Variants in SYT4 observed in about 807,000 individuals in gnomAD.
The protein encoded by SYT4 is synaptotagmin-4.
In SYT4, 7 loss-of-function variants were observed where a neutral mutation model predicts 32.9. The observed-to-expected ratio is 0.21, with a 90% CI of 0.12 to 0.40. SYT4 has a LOEUF of 0.40. Ranked by LOEUF, SYT4 falls within the 10% of genes least tolerant of loss-of-function variation. SYT4 has a pLI of 1.00. For synonymous variants in SYT4, 205 were observed against 186.2 expected (o/e 1.10, Z -0.82); for missense variants, 480 against 488.0 (o/e 0.98, Z 0.16).
rs559792542 is a variant in SYT4, at chr18:43,268,643, C to T, written c.*1698G>A. On this transcript the variant is annotated 3_prime_UTR_variant, in exon 4 of 4. Coordinates refer to ENST00000255224, the MANE Select transcript of SYT4 (RefSeq NM_020783.4). Reference sequence around the variant, plus strand: ...TTTCATGTTGCTTTCACAGAGATGCCGAGTGGAGCAAGATGCTGTGAGGTG... The same window carrying T: ...TTTCATGTTGCTTTCACAGAGATGCTGAGTGGAGCAAGATGCTGTGAGGTG... The T allele has an allele frequency of 4.9e-4, 74 of 152,546 alleles. 1 individual carries two copies. The highest frequency in any genetic ancestry group is 1.6e-3 in the African/African-American group (67 of 41,502). 9.4% of individuals were successfully genotyped at this position (152,546 alleles called of 1,614,324 possible). A position where few individuals can be genotyped will look rare whatever the true frequency, so the allele number is the denominator to read the frequency against.
In SYT4 at chr18:43,269,215, T is replaced by C. The variant is rs1174291478; in HGVS notation, c.*1126A>G. The C allele has an allele frequency of 1.3e-5, 2 of 152,210 alleles. No homozygotes were observed. Among genetic ancestry groups the C allele is most frequent in the Non-Finnish European group, 2.9e-5 (2 of 68,028 alleles). 9.4% of individuals were successfully genotyped at this position (152,210 alleles called of 1,614,324 possible). A position where few individuals can be genotyped will look rare whatever the true frequency, so the allele number is the denominator to read the frequency against. On this transcript the variant is annotated 3_prime_UTR_variant, in exon 4 of 4. Coordinates refer to ENST00000255224, the MANE Select transcript of SYT4 (RefSeq NM_020783.4). ...GAAACACATTCTTTGTTGTGCTAAT[T>C]TGACAGCCTAAGCATATTTTGCGTG... is the stretch of plus-strand genomic sequence containing the variant.
At position 43,274,029 on chromosome 18, in the gene SYT4, C is replaced by G. The variant is rs1908714122; in HGVS notation, c.400G>C (p.Val134Leu). The G allele has an allele frequency of 1.2e-6, 2 of 1,613,830 alleles. No homozygotes were observed. The highest frequency in any genetic ancestry group is 1.7e-6 in the Non-Finnish European group (2 of 1,179,942). Residue 134 changes from valine (V) to leucine (L), a missense_variant, in exon 2 of 4, where the codon GTT becomes CTT. By Grantham distance (32) the Val-to-Leu change is conservative. Coordinates refer to ENST00000255224, the MANE Select transcript of SYT4 (RefSeq NM_020783.4). ...CTGGACTTTAAACTCTCAGGGGAAA[C>G]TGACTCTTTTTCCCCTTCTAAAAAG... Reference protein sequence around the residue: ...KLFLEGEKESVSPESLKSSTS... With the variant: ...KLFLEGEKESLSPESLKSSTS...
intron 1 of SYT4, among the ~76,000 whole-genome samples, chr18:43,276,927 A>G: frequency 6.6e-6 from 1 of 152,232 alleles, no homozygotes; most frequent in East Asian, 1.9e-4. Flanking sequence ...CCTACAAAAT[A>G]GATGAAACCA....
rs891165249 is a variant in SYT4 at position 43,269,452 on chromosome 18, T to G, written c.*889A>C. On this transcript the variant is annotated 3_prime_UTR_variant, in exon 4 of 4. Transcript: ENST00000255224. ...ACAAACGATGGCCTTAAAAGTACACTTGCACACTATACCTATTTCCTATAA... is the reference window on the plus strand; with the variant it reads ...ACAAACGATGGCCTTAAAAGTACACGTGCACACTATACCTATTTCCTATAA... The G allele has an allele frequency of 2.6e-5, 4 of 152,380 alleles. No individual in the cohort carries two copies. Among genetic ancestry groups the G allele is most frequent in the Non-Finnish European group, 4.4e-5 (3 of 68,030 alleles). 9.4% of individuals were successfully genotyped at this position (152,380 alleles called of 1,614,324 possible).
chr18:43,275,745 A>C (rs983675275), intron 1 of SYT4, among the ~76,000 whole-genome samples: 1 of 152,186 alleles, frequency 6.6e-6, no homozygotes, highest in Non-Finnish European at 1.5e-5. Flanking sequence ...ATGTACAGAA[A>C]CTGAATCATG....
chr18:43,275,169 G>T (rs1444743950), intron 1 of SYT4, among the ~76,000 whole-genome samples: 3 of 152,042 alleles, frequency 2.0e-5, no homozygotes, highest in Non-Finnish European at 4.4e-5. Context: ...CATGTAATGA[G>T]AACAGTGAGA....
Position 43,270,584 on chromosome 18 carries a change from C to T in SYT4, c.1035G>A (p.Val345=). Residue 345 remains valine (V), a synonymous_variant, in exon 4 of 4, where the codon GTG becomes GTA. Transcript: ENST00000255224. ...KKRISKKKTH[V]KKCTPNAVFN... ...ACACTGCATTGGGGGTGCATTTCTT[C>T]ACATGAGTCTTCTTCTTGGAGATTC... The T allele has an allele frequency of 6.2e-7, 1 of 1,614,028 alleles. No homozygotes were observed. The highest frequency in any genetic ancestry group is 1.1e-5 in the South Asian group (1 of 91,086).
At position 43,274,200 on chromosome 18, in the gene SYT4, C is replaced by A. The variant is rs1296295606; in HGVS notation, c.229G>T (p.Asp77Tyr). The A allele has an allele frequency of 1.9e-6, 3 of 1,613,798 alleles. No homozygotes were observed. The Admixed American group carries it at 5.0e-5, about 27-fold the overall frequency. The change falls in exon 2 of 4, where the codon GAT becomes TAT. Residue 77 changes from aspartate (D) to tyrosine (Y), a missense_variant. Transcript: ENST00000255224. ...LNSKKKFGAD[D>Y]KNEVKNKPAV... ...GGCTTATTCTTTACTTCATTTTTATCATCTGCTCCAAACTTCTTTTTGCTA... is the reference window on the plus strand; with the variant it reads ...GGCTTATTCTTTACTTCATTTTTATAATCTGCTCCAAACTTCTTTTTGCTA...
intron 1 of SYT4, among the ~76,000 whole-genome samples, chr18:43,274,854 T>A (rs540071089): frequency 6.6e-6 from 1 of 152,258 alleles, no homozygotes; most frequent in Non-Finnish European, 1.5e-5. Context: ...ATTTAGGGAC[T>A]CAGTGGTTCA....
intron 1 of SYT4, among the ~76,000 whole-genome samples, chr18:43,274,964 C>T (rs982805230): frequency 1.3e-5 from 2 of 152,032 alleles, no homozygotes; most frequent in Admixed American, 6.6e-5. Flanking sequence ...AAGAAATATA[C>T]ATATATTAGA....
Position 43,268,443 on chromosome 18 carries a change from C to A in SYT4, c.*1898G>T, listed in dbSNP as rs1431591497. Reference sequence around the variant, plus strand: ...AAAAAAATCGGCCTCGTCCAACAACCATACCTCAGCTGCTACCACCATTAA... The same window carrying A: ...AAAAAAATCGGCCTCGTCCAACAACAATACCTCAGCTGCTACCACCATTAA... On this transcript the variant is annotated 3_prime_UTR_variant, in exon 4 of 4. Transcript: ENST00000255224. 2 of 151,484 alleles carry A rather than the reference C, an allele frequency of 1.3e-5. No homozygotes were observed. Among genetic ancestry groups the A allele is most frequent in the African/African-American group, 2.4e-5 (1 of 41,052 alleles). The allele number at this position is 151,484 out of a possible 1,614,324, so 9.4% of individuals were successfully genotyped here. A position where few individuals can be genotyped will look rare whatever the true frequency, so the allele number is the denominator to read the frequency against.
rs971912806 is a variant in SYT4 at position 43,269,304 on chromosome 18, G to A, written c.*1037C>T. Reference sequence around the variant, plus strand: ...TTTGTAGTCTTACATTTGTTTGTTGGTTAAGTAACACTTTTTATCTGGCAA... The same window carrying A: ...TTTGTAGTCTTACATTTGTTTGTTGATTAAGTAACACTTTTTATCTGGCAA... On this transcript the variant is annotated 3_prime_UTR_variant, in exon 4 of 4. Transcript: ENST00000255224. 3 of 152,122 alleles carry A rather than the reference G, an allele frequency of 2.0e-5. No homozygotes were observed. Among genetic ancestry groups the A allele is most frequent in the Non-Finnish European group, 4.4e-5 (3 of 68,030 alleles). The allele number at this position is 152,122 out of a possible 1,614,324, so 9.4% of individuals were successfully genotyped here.
Position 43,270,034 on chromosome 18 carries a change from C to T in SYT4, c.*307G>A, listed in dbSNP as rs1197858454. The T allele has an allele frequency of 3.2e-6, 1 of 309,276 alleles. No homozygotes were observed. The highest frequency in any genetic ancestry group is 6.0e-6 in the Non-Finnish European group (1 of 167,122). 19.2% of individuals were successfully genotyped at this position (309,276 alleles called of 1,614,324 possible). A position where few individuals can be genotyped will look rare whatever the true frequency, so the allele number is the denominator to read the frequency against. On this transcript the variant is annotated 3_prime_UTR_variant, in exon 4 of 4. Coordinates refer to ENST00000255224, the MANE Select transcript of SYT4 (RefSeq NM_020783.4). ...GTGACATGTTCCAATGAGATTGTCA[C>T]ATTTATAATTTGGGATTCTGGCACA...
chr18:43,270,081 A>T lies in SYT4; in HGVS notation c.*260T>A, dbSNP rs1435010946. Reference sequence around the variant, plus strand: ...CACAGTATTCATAAAATGTCTGACTATTCCTAGTTATATCACTGGTAATCT... The same window carrying T: ...CACAGTATTCATAAAATGTCTGACTTTTCCTAGTTATATCACTGGTAATCT... On this transcript the variant is annotated 3_prime_UTR_variant, in exon 4 of 4. Coordinates refer to ENST00000255224, the MANE Select transcript of SYT4 (RefSeq NM_020783.4). The T allele has an allele frequency of 2.2e-6, 1 of 452,608 alleles. No homozygotes were observed. The highest frequency in any genetic ancestry group is 3.9e-6 in the Non-Finnish European group (1 of 254,354). The allele number at this position is 452,608 out of a possible 1,614,324, so 28.0% of individuals were successfully genotyped here.
At position 43,270,648 on chromosome 18, in the gene SYT4, T is replaced by C; in HGVS notation, c.971A>G (p.Asp324Gly). 1 of 1,613,246 alleles carries C rather than the reference T, an allele frequency of 6.2e-7. No homozygotes were observed. Among genetic ancestry groups the C allele is most frequent in the Non-Finnish European group, 8.5e-7 (1 of 1,179,472 alleles). Residue 324 changes from aspartate to glycine, a missense_variant and splice_region_variant, in exon 4 of 4, where the codon GAT becomes GGT. Asp to Gly is a moderately conservative substitution (Grantham distance 94). Transcript: ENST00000255224. ...LPKSDVSGLSDPYVKVNLYHA... is the reference protein window; with the variant it reads ...LPKSDVSGLSGPYVKVNLYHA... Reference sequence around the variant, plus strand: ...GTACAGGTTCACTTTGACATAGGGATCTGCAGTGGAACATAACAGGCATTA... The same window carrying C: ...GTACAGGTTCACTTTGACATAGGGACCTGCAGTGGAACATAACAGGCATTA...
At position 43,272,538 on chromosome 18, in the gene SYT4, C is replaced by T. The variant is rs1411005902; in HGVS notation, c.850-706G>A. Reference sequence around the variant, plus strand: ...CTTTAAAGACAATAGATAAGATATACAATAATTCAAAGTAAAAGTTTTGAC... The same window carrying T: ...CTTTAAAGACAATAGATAAGATATATAATAATTCAAAGTAAAAGTTTTGAC... On this transcript the variant is annotated intron_variant, in intron 2 of 3. Coordinates refer to ENST00000255224, the MANE Select transcript of SYT4 (RefSeq NM_020783.4). Among the ~76,000 whole-genome samples, 4 of 152,200 alleles carry T rather than the reference C, an allele frequency of 2.6e-5. 1 individual carries two copies. In the South Asian group the frequency reaches 6.2e-4, roughly 24 times the overall value.
intron 1 of SYT4, among the ~76,000 whole-genome samples, chr18:43,275,226 G>A (rs1022468916): frequency 6.6e-6 from 1 of 152,024 alleles, no homozygotes; most frequent in African/African-American, 2.4e-5. Context: ...CTAGCACATG[G>A]CATGGCAAAT....
chr18:43,272,694 A>C (rs1908666827), intron 2 of SYT4, among the ~76,000 whole-genome samples: 1 of 152,168 alleles, frequency 6.6e-6, no homozygotes, highest in Admixed American at 6.6e-5. Flanking sequence ...TCTAAGGAGA[A>C]TAAGAGTAGA....
chr18:43,272,846 A>G (rs575825073), intron 2 of SYT4, among the ~76,000 whole-genome samples: 1 of 152,264 alleles, frequency 6.6e-6, no homozygotes, highest in African/African-American at 2.4e-5. Flanking sequence ...CAGCTCTGAA[A>G]CACTATGTTG....
Sources: gnomAD v4.1 joint callset for allele counts (sites outside exome capture counted in the v4.1 genomes callset) on GRCh38, gnomAD v4.1.1 for gene constraint, MANE v1.5 for transcripts, NCBI Gene and HGNC (gene_info 2026-07-23, HGNC 2026-07-21) for gene names.